Variants in ABCG2 observed in about 807,000 individuals in gnomAD.
ABCG2 encodes the protein broad substrate specificity ATP-binding cassette transporter ABCG2.
In ABCG2, 80 loss-of-function variants were observed where a neutral mutation model predicts 73.5. That is an observed-to-expected ratio of 1.09 (90% confidence interval 0.91 to 1.31). The LOEUF (loss-of-function observed/expected upper bound fraction) is 1.31, where lower values mean the gene tolerates loss of function less well. Among genes scored for constraint, ABCG2 ranks in the 50% most tolerant of loss-of-function variants. ABCG2 has a pLI of 0.00. For missense variants in ABCG2, 796 were observed against 786.2 expected (o/e 1.01, Z -0.15); for synonymous variants, 269 against 282.4 (o/e 0.95, Z 0.48).
At chr4:88,230,559 C>T (rs1380333701) in intron 1 of ABCG2, among the ~76,000 whole-genome samples, 1 of 151,816 alleles carries the variant, frequency 6.6e-6, no homozygotes, top group Non-Finnish European at 1.5e-5. Flanking sequence ...ATCTGGCTTA[C>T]CACACCTAGG....
At chr4:88,146,919 GA>G (rs1726047940) in intron 1 of ABCG2, among the ~76,000 whole-genome samples, 1 of 127,096 alleles carries the variant, frequency 7.9e-6, no homozygotes, top group African/African-American at 2.9e-5. Context: ...AGGAAGGAAG[GA>G]AGGAAGAAGG....
Position 88,170,004 on chromosome 4 carries a change from G to A in ABCG2, c.-19-29990C>T, listed in dbSNP as rs192196120. 2.3e-3 allele frequency among the ~76,000 whole-genome samples: 351 copies of A among 151,910 alleles called. 1 individual carries two copies. The highest frequency in any genetic ancestry group is 8.0e-3 in the African/African-American group (332 of 41,422). Reference sequence around the variant, plus strand: ...CATGCGCCTGTAGTCCCAGCTACTCGGGAGGCTGAGGCAGAAGAATTGCTT... The same window carrying A: ...CATGCGCCTGTAGTCCCAGCTACTCAGGAGGCTGAGGCAGAAGAATTGCTT... On this transcript the variant is annotated intron_variant, in intron 1 of 15. Transcript: ENST00000515655.
Position 88,166,942 on chromosome 4 carries a change from G to A in ABCG2, c.-19-26928C>T, listed in dbSNP as rs185390652. Among the ~76,000 whole-genome samples, 7 of 152,222 alleles carry A rather than the reference G, an allele frequency of 4.6e-5. No individual in the cohort carries two copies. The South Asian group carries it at 6.2e-4, about 14-fold the overall frequency. On this transcript the variant is annotated intron_variant, in intron 1 of 15. Coordinates refer to the ABCG2 transcript ENST00000515655. Reference sequence around the variant, plus strand: ...ATTCCAGGTTTTGATAAGGTCCCACGGTTTGAACACGAGAGTGAGGTTATG... The same window carrying A: ...ATTCCAGGTTTTGATAAGGTCCCACAGTTTGAACACGAGAGTGAGGTTATG...
chr4:88,125,607 C>CA (rs70957302), intron 5 of ABCG2, among the ~76,000 whole-genome samples: 400 of 34,980 alleles, frequency 0.011, 79 homozygotes, highest in Non-Finnish European at 0.016. Flanking sequence ...GACTCTGTCT[C>CA]AAAAAAAAAA....
At chr4:88,122,760 C>T (rs939485541) in intron 5 of ABCG2, among the ~76,000 whole-genome samples, 2 of 152,212 alleles carry the variant, frequency 1.3e-5, no homozygotes, top group African/African-American at 4.8e-5. Flanking sequence ...AACGTTCCTG[C>T]CTGCTGGCTT....
intron 13 of ABCG2, among the ~76,000 whole-genome samples, chr4:88,097,042 A>C (rs189817431): frequency 4.6e-5 from 7 of 152,022 alleles, no homozygotes; most frequent in East Asian, 3.8e-4. Flanking sequence ...ATAAATTAAA[A>C]ATGTTAAAAA....
rs116344888 is a variant in ABCG2, at chr4:88,169,689, T to C, written c.-19-29675A>G. On this transcript the variant is annotated intron_variant, in intron 1 of 15. Coordinates refer to the ABCG2 transcript ENST00000515655. The stretch of plus-strand genomic sequence containing the variant: ...AGAAAAATAGCAAGAAGATCAATAT[T>C]GTAGAAGAAAGTAAGTAAACGATGA... Among the ~76,000 whole-genome samples the C allele has an allele frequency of 7.0e-3, 1,061 of 152,274 alleles. 11 individuals are homozygous for C. The highest frequency in any genetic ancestry group is 0.023 in the African/African-American group (942 of 41,552).
At chr4:88,108,723 A>G (rs1228093588) in intron 9 of ABCG2, among the ~76,000 whole-genome samples, 2 of 152,194 alleles carry the variant, frequency 1.3e-5, no homozygotes, top group Admixed American at 1.3e-4. Flanking sequence ...CGAACTGCAA[A>G]AACAGTACCA....
chr4:88,194,364 C>A (rs1728842170), intron 1 of ABCG2, among the ~76,000 whole-genome samples: 1 of 151,680 alleles, frequency 6.6e-6, no homozygotes, highest in Admixed American at 6.6e-5. Flanking sequence ...TCCTGGCTAA[C>A]ACGGTTAAAC....
chr4:88,112,797 T>C (rs950100033), intron 9 of ABCG2, among the ~76,000 whole-genome samples: 5 of 152,002 alleles, frequency 3.3e-5, no homozygotes, highest in Admixed American at 1.3e-4. Context: ...CTGAGTTAGG[T>C]AGTCTAAGAA....
chr4:88,096,905 ACT>A (rs1293890477), intron 13 of ABCG2, among the ~76,000 whole-genome samples: 1 of 152,238 alleles, frequency 6.6e-6, no homozygotes, highest in East Asian at 1.9e-4. Context: ...CTCAAACCAT[ACT>A]CTGTTCTGCT....
intron 1 of ABCG2, among the ~76,000 whole-genome samples, chr4:88,221,984 A>C (rs1730027465): frequency 6.6e-6 from 1 of 152,198 alleles, no homozygotes; most frequent in Non-Finnish European, 1.5e-5. Flanking sequence ...AGCCCAACCC[A>C]TCACAGTCCC....
chr4:88,101,890 G>C (rs988608306), intron 10 of ABCG2, among the ~76,000 whole-genome samples: 1 of 152,206 alleles, frequency 6.6e-6, no homozygotes, highest in African/African-American at 2.4e-5. Flanking sequence ...TTTTGGTATG[G>C]CAGCCAGGCC....
intron 1 of ABCG2, among the ~76,000 whole-genome samples, chr4:88,227,013 GA>G (rs1730246241): frequency 6.6e-6 from 1 of 152,068 alleles, no homozygotes; most frequent in Non-Finnish European, 1.5e-5. Flanking sequence ...TCGGGAGGTT[GA>G]TATGGAAGCC....
intron 2 of ABCG2, among the ~76,000 whole-genome samples, chr4:88,135,002 G>A (rs763588358): frequency 2.6e-5 from 4 of 152,190 alleles, no homozygotes; most frequent in Non-Finnish European, 4.4e-5. Flanking sequence ...TGTTGGAACA[G>A]GGCCGTGCTC....
intron 1 of ABCG2, among the ~76,000 whole-genome samples, chr4:88,150,189 T>C (rs1218255750): frequency 3.9e-5 from 6 of 152,090 alleles, no homozygotes; most frequent in Non-Finnish European, 2.9e-5. Context: ...TGGTGGCGCA[T>C]ACCTGTAATT....
At chr4:88,141,029 C>T (rs944188411) in intron 1 of ABCG2, among the ~76,000 whole-genome samples, 3 of 152,136 alleles carry the variant, frequency 2.0e-5, no homozygotes, top group African/African-American at 7.2e-5. Flanking sequence ...TTAAGATGAG[C>T]TTAACAACTT....
intron 1 of ABCG2, among the ~76,000 whole-genome samples, chr4:88,210,737 A>G (rs1348544243): frequency 3.9e-5 from 6 of 151,978 alleles, no homozygotes; most frequent in Non-Finnish European, 8.8e-5. Flanking sequence ...GAATATAGGC[A>G]CTTGCCACCA....
At chr4:88,214,848 C>T (rs1246983425) in intron 1 of ABCG2, among the ~76,000 whole-genome samples, 1 of 152,054 alleles carries the variant, frequency 6.6e-6, no homozygotes, top group Non-Finnish European at 1.5e-5. Context: ...GAACTCAACT[C>T]CTGGGCTCAA....
Sources: allele counts gnomAD v4.1 joint callset (sites outside exome capture counted in the v4.1 genomes callset), GRCh38; gene constraint gnomAD v4.1.1; transcripts MANE v1.5; gene names NCBI Gene and HGNC (gene_info 2026-07-23, HGNC 2026-07-21).